The following NBAS variants were observed in gnomAD, a reference collection of about 807,000 sequenced individuals.
NBAS encodes NAG/BC035112 fusion.
A neutral mutation model predicts 302.5 loss-of-function variants in NBAS; 219 were observed. That is an observed-to-expected ratio of 0.72 (90% CI 0.65 to 0.81). The LOEUF is 0.81. Ranked by LOEUF, NBAS falls within the 30% of genes least tolerant of loss-of-function variation. NBAS has a pLI of 0.00. For missense variants in NBAS, 2,932 were observed against 2,841.6 expected (o/e 1.03, Z -0.72); for synonymous variants, 1,118 against 1,021.6 (o/e 1.09, Z -1.80).
the NBAS span, among the ~76,000 whole-genome samples, chr2:15,123,204 T>G: frequency 6.6e-6 from 1 of 152,268 alleles, no homozygotes; most frequent in Non-Finnish European, 1.5e-5. Flanking sequence ...GCTTCTTATG[T>G]CAAACTAGAT....
chr2:15,196,781 C>T (rs1337676704), intron 48 of NBAS, among the ~76,000 whole-genome samples: 1 of 152,104 alleles, frequency 6.6e-6, no homozygotes, highest in Non-Finnish European at 1.5e-5. Flanking sequence ...CCTTTTGGTA[C>T]TTTTCTTGGT....
At chr2:15,203,890 TTG>T (rs143962413) in intron 48 of NBAS, among the ~76,000 whole-genome samples, 5,760 of 129,172 alleles carry the variant, frequency 0.045, 113 homozygotes, top group Admixed American at 0.052. Context: ...GTGTGTGTGC[TTG>T]TGTGTGTGTG....
At chr2:15,220,118 C>T (rs1666877680) in intron 47 of NBAS, among the ~76,000 whole-genome samples, 1 of 148,956 alleles carries the variant, frequency 6.7e-6, no homozygotes, top group Non-Finnish European at 1.5e-5. Context: ...GGGCGGCTGG[C>T]CGGGCGGGGG....
rs767322010 is a variant in NBAS, at chr2:15,475,812, A to G, written c.1216T>C (p.Cys406Arg). Residue 406 changes from cysteine to arginine, a missense_variant, in exon 14 of 52, where the codon TGC becomes CGC. By Grantham distance (180) the Cys-to-Arg change is radical. Transcript: ENST00000281513. ...GATGAAACAGTTAAAGCACCAGAGC[A>G]TCGAGCTAAAGTCACTGCACTGTCT... Reference protein sequence around the residue: ...WADSAVTLARCSGALTVSSVK... With the variant: ...WADSAVTLARRSGALTVSSVK... 1.9e-5 allele frequency: 31 copies of G among 1,614,018 alleles called. No individual in the cohort carries two copies. Among genetic ancestry groups the G allele is most frequent in the Non-Finnish European group, 2.5e-5 (29 of 1,179,994 alleles).
intron 51 of NBAS, 25 bp from the exon 52 acceptor site, chr2:15,167,348 C>T (rs774242066): frequency 1.5e-5 from 24 of 1,613,578 alleles, no homozygotes; most frequent in South Asian, 2.2e-5. Context: ...ACAGGCACAG[C>T]GTGAGGGGGT....
rs115166830 is a variant in NBAS, at chr2:15,407,566, A to G, written c.2938-5265T>C. ...GAGATTATTTGCCACACGGGTAACT[A>G]GCAAAGGATAATTTCCATATCACAG... On this transcript the variant is annotated intron_variant, in intron 25 of 51. Coordinates refer to ENST00000281513, the MANE Select transcript of NBAS (RefSeq NM_015909.4). Among the ~76,000 whole-genome samples, 1,033 of 152,312 alleles carry G rather than the reference A, an allele frequency of 6.8e-3. 12 individuals are homozygous for G. Among genetic ancestry groups the G allele is most frequent in the African/African-American group, 0.022 (926 of 41,570 alleles).
chr2:15,124,790 G>A, the NBAS span, among the ~76,000 whole-genome samples: 2 of 152,192 alleles, frequency 1.3e-5, no homozygotes, highest in African/African-American at 2.4e-5. Flanking sequence ...TAAGCTTATG[G>A]GTGCACAGAA....
Position 15,283,784 on chromosome 2 carries a change from G to A in NBAS, c.5138+3289C>T, listed in dbSNP as rs1033459273. Reference sequence around the variant, plus strand: ...CCTGTAACCCAGAAAACAGCGACTCGAAAGGATTAAGAAACATGCTCCAGG... The same window carrying A: ...CCTGTAACCCAGAAAACAGCGACTCAAAAGGATTAAGAAACATGCTCCAGG... On this transcript the variant is annotated intron_variant, in intron 42 of 51. Transcript: ENST00000281513. Among the ~76,000 whole-genome samples, 146 of 152,252 alleles carry A rather than the reference G, an allele frequency of 9.6e-4. 1 individual carries two copies. The highest frequency in any genetic ancestry group is 3.1e-3 in the African/African-American group (129 of 41,540).
At chr2:14,816,493 G>A in the NBAS span, among the ~76,000 whole-genome samples, 4 of 152,244 alleles carry the variant, frequency 2.6e-5, no homozygotes, top group Non-Finnish European at 5.9e-5. Flanking sequence ...GAGACTGCTG[G>A]CTTAGAAGTT....
the NBAS span, among the ~76,000 whole-genome samples, chr2:15,147,964 AC>A: frequency 0.012 from 1,757 of 152,240 alleles, 19 homozygotes; most frequent in Middle Eastern, 0.02. Flanking sequence ...CAACTGGAGA[AC>A]TGAGAACCTC....
At chr2:15,178,293 C>G (rs1664650537) in intron 51 of NBAS, 1 of 331,518 alleles carries the variant, frequency 3.0e-6, no homozygotes, top group Non-Finnish European at 6.1e-6. Context: ...CATACATACA[C>G]TTCAAATGAA....
At chr2:15,091,428 G>A in the NBAS span, among the ~76,000 whole-genome samples, 1 of 152,116 alleles carries the variant, frequency 6.6e-6, no homozygotes, top group Non-Finnish European at 1.5e-5. Context: ...CCTTTATGAA[G>A]ATCCACTTCC....
chr2:15,128,238 C>T, the NBAS span, among the ~76,000 whole-genome samples: 1 of 152,196 alleles, frequency 6.6e-6, no homozygotes, highest in Non-Finnish European at 1.5e-5. Context: ...CTTTAATTAT[C>T]CTTTTAATGC....
chr2:15,446,876 C>A (rs1440932784), intron 21 of NBAS, among the ~76,000 whole-genome samples: 2 of 107,356 alleles, frequency 1.9e-5, no homozygotes, highest in Non-Finnish European at 4.3e-5. Context: ...CCTAGAGCAA[C>A]CACTAAAAAG....
chr2:15,339,074 C>G (rs1383026293), intron 35 of NBAS, among the ~76,000 whole-genome samples: 1 of 152,062 alleles, frequency 6.6e-6, no homozygotes, highest in Non-Finnish European at 1.5e-5. Context: ...AGAGGCCAAA[C>G]CCTTCTTGGA....
intron 28 of NBAS, among the ~76,000 whole-genome samples, chr2:15,386,364 A>G (rs1234060937): frequency 1.3e-5 from 2 of 152,192 alleles, no homozygotes; most frequent in Non-Finnish European, 2.9e-5. Flanking sequence ...TTACTGCTGG[A>G]TTTTATTTTT....
At chr2:14,849,475 C>G in the NBAS span, among the ~76,000 whole-genome samples, 12 of 151,496 alleles carry the variant, frequency 7.9e-5, no homozygotes, top group Middle Eastern at 3.4e-3. Flanking sequence ...GAAAGTGATG[C>G]GGAGAATGGA....
At chr2:15,113,812 C>T in the NBAS span, among the ~76,000 whole-genome samples, 1 of 151,168 alleles carries the variant, frequency 6.6e-6, no homozygotes, top group African/African-American at 2.4e-5. Flanking sequence ...CTATATGAGA[C>T]AAAAATTCTC....
At chr2:15,529,268 G>C (rs574929590) in intron 9 of NBAS, among the ~76,000 whole-genome samples, 2 of 152,240 alleles carry the variant, frequency 1.3e-5, no homozygotes, top group African/African-American at 4.8e-5. Flanking sequence ...GGGAGGCTGA[G>C]GCAGGTAGAT....
Sources: allele counts gnomAD v4.1 joint callset (sites outside exome capture counted in the v4.1 genomes callset), GRCh38; gene constraint gnomAD v4.1.1; transcripts MANE v1.5; gene names NCBI Gene and HGNC (gene_info 2026-07-23, HGNC 2026-07-21).